FRMPD3: variants seen among roughly 807,000 people sequenced by gnomAD.
The protein encoded by FRMPD3 is FERM and PDZ domain-containing protein 3.
Under a neutral mutation model 97.9 loss-of-function variants are expected in FRMPD3, and 42 were observed. The ratio of observed to expected loss-of-function variants is 0.43; its 90% CI spans 0.34 to 0.55. FRMPD3 has a LOEUF of 0.55. Ranked by LOEUF, FRMPD3 falls within the 20% of genes least tolerant of loss-of-function variation. The pLI is 0.03. For synonymous variants in FRMPD3, 577 were observed against 581.1 expected (o/e 0.99, Z 0.10); for missense variants, 1,303 against 1,457.7 (o/e 0.89, Z 1.73).
chrX:107,603,136 C>G lies in FRMPD3; in HGVS notation c.5097C>G (p.Asn1699Lys), dbSNP rs770426771. 1.7e-6 allele frequency: 2 copies of G among 1,188,134 alleles called. No homozygotes were observed. Among genetic ancestry groups the G allele is most frequent in the Non-Finnish European group, 2.3e-6 (2 of 885,850 alleles). ...LLAKVEEVVR[N>K]YTFLLRAAEE... Reference sequence around the variant, plus strand: ...CCAAGGTAGAAGAGGTGGTGAGGAACTACACCTTCCTGCTGCGTGCAGCTG... The same window carrying G: ...CCAAGGTAGAAGAGGTGGTGAGGAAGTACACCTTCCTGCTGCGTGCAGCTG... Residue 1699 changes from asparagine (N) to lysine (K), a missense_variant, in exon 15 of 15, where the codon AAC (asparagine) becomes AAG (lysine). Physicochemically the swap from Asn to Lys is moderately conservative, Grantham distance 94. Around this residue, in one of 3 missense-constraint regions of FRMPD3, gnomAD observed 764 missense variants for 820.2 expected, o/e 0.93. Coordinates refer to ENST00000683843, the MANE Select transcript of FRMPD3 (RefSeq NM_001388459.1).
chrX:107,595,135 G>A (rs977878509), intron 13 of FRMPD3, among the ~76,000 whole-genome samples: 3 of 109,812 alleles, frequency 2.7e-5, no homozygotes, highest in African/African-American at 1.0e-4. Flanking sequence ...TGGCCAACAT[G>A]GTGAAACCTC....
chrX:107,583,147 A>G (rs1429495579), intron 13 of FRMPD3, among the ~76,000 whole-genome samples: 3 of 104,938 alleles, frequency 2.9e-5, no homozygotes, highest in African/African-American at 1.1e-4. Flanking sequence ...TCCGGGATAC[A>G]TGTGCAGAAT....
At chrX:107,508,819 G>A (rs1922095605) in intron 1 of FRMPD3, among the ~76,000 whole-genome samples, 3 of 111,890 alleles carry the variant, frequency 2.7e-5, no homozygotes, top group Non-Finnish European at 5.6e-5. Flanking sequence ...GTTGTACTAA[G>A]TGCCATGCCT....
chrX:107,450,601 C>CACACACAG (rs1463795736), intron 1 of FRMPD3, among the ~76,000 whole-genome samples: 10 of 93,411 alleles, frequency 1.1e-4, no homozygotes, highest in African/African-American at 4.0e-4. Flanking sequence ...CACACACACA[C>CACACACAG]AGAGAGAGAG....
In FRMPD3 at chrX:107,602,115, C is replaced by T. The variant is rs187380964; in HGVS notation, c.4076C>T (p.Ser1359Phe). 7.7e-4 allele frequency: 930 copies of T among 1,208,596 alleles called. No individual in the cohort carries two copies. The highest frequency in any genetic ancestry group is 2.3e-3 in the Middle Eastern group (10 of 4,345). ...CGCATTCGTTCTACCAGCCTGGAGT[C>T]CCGAGAGTGCCGATCGGACCCTGAG... is the stretch of plus-strand genomic sequence containing the variant. ...VQRIRSTSLESRECRSDPESG... is the reference protein window; with the variant it reads ...VQRIRSTSLEFRECRSDPESG... The change falls in exon 15 of 15, where the codon TCC (serine) becomes TTC (phenylalanine). Residue 1359 changes from serine (S) to phenylalanine (F), a missense_variant. Transcript: ENST00000683843.
intron 4 of FRMPD3, among the ~76,000 whole-genome samples, chrX:107,542,883 A>G (rs1023705706): frequency 2.7e-5 from 3 of 111,646 alleles, no homozygotes; most frequent in Admixed American, 1.9e-4. Context: ...GTAGCCCCAA[A>G]CCTGATTCAC....
At chrX:107,529,903 C>T (rs776413760) in intron 2 of FRMPD3, among the ~76,000 whole-genome samples, 107 of 111,896 alleles carry the variant, frequency 9.6e-4, no homozygotes, top group Non-Finnish European at 1.6e-3. Flanking sequence ...CTGCGTTCCT[C>T]ATTAAGAAGC....
intron 1 of FRMPD3, among the ~76,000 whole-genome samples, chrX:107,450,310 T>C (rs1931259231): frequency 9.0e-6 from 1 of 110,823 alleles, no homozygotes; most frequent in Admixed American, 9.4e-5. Flanking sequence ...TTATGGAGCC[T>C]TTGTGTGCGC....
At chrX:107,548,686 G>T (rs917576044) in intron 5 of FRMPD3, among the ~76,000 whole-genome samples, 1 of 112,218 alleles carries the variant, frequency 8.9e-6, no homozygotes, top group Non-Finnish European at 1.9e-5. Flanking sequence ...TCTACAAAAA[G>T]TAAAAAATTT....
intron 3 of FRMPD3, among the ~76,000 whole-genome samples, chrX:107,531,563 C>T (rs1249765246): frequency 9.0e-6 from 1 of 111,559 alleles, no homozygotes; most frequent in Non-Finnish European, 1.9e-5. Flanking sequence ...CTAACTAGCT[C>T]TGGAGGGCTT....
chrX:107,549,965 C>T, intron 5 of FRMPD3, 84 bp from the exon 6 acceptor site: 1 of 602,408 alleles, frequency 1.7e-6, no homozygotes, highest in Admixed American at 2.7e-5. Flanking sequence ...CACCTTTTCT[C>T]TCTCCTTTTT....
chrX:107,527,435 G>A (rs1276067590), intron 2 of FRMPD3, among the ~76,000 whole-genome samples: 7 of 112,430 alleles, frequency 6.2e-5, no homozygotes, highest in Admixed American at 1.9e-4. Context: ...GGCTTGTCCA[G>A]TGTCACTCAG....
At chrX:107,543,968 C>T (rs897945576) in intron 4 of FRMPD3, among the ~76,000 whole-genome samples, 2 of 111,469 alleles carry the variant, frequency 1.8e-5, no homozygotes, top group African/African-American at 6.5e-5. Context: ...GGGAAACAAC[C>T]TAAGTGTCTG....
intron 13 of FRMPD3, among the ~76,000 whole-genome samples, chrX:107,594,042 G>A (rs1020939611): frequency 5.4e-5 from 6 of 111,925 alleles, no homozygotes; most frequent in African/African-American, 1.6e-4. Flanking sequence ...TGTGTCATCT[G>A]TGATTTCTTT....
intron 1 of FRMPD3, among the ~76,000 whole-genome samples, chrX:107,495,071 A>G (rs1229206797): frequency 8.9e-6 from 1 of 112,626 alleles, no homozygotes; most frequent in African/African-American, 3.2e-5. Flanking sequence ...ATCGCTACAC[A>G]CACAACCATT....
chrX:107,581,750 A>G (rs1923402020), intron 13 of FRMPD3, among the ~76,000 whole-genome samples: 1 of 111,715 alleles, frequency 9.0e-6, no homozygotes, highest in African/African-American at 3.3e-5. Flanking sequence ...TAAATGGAAT[A>G]ATAAAATATA....
At chrX:107,453,773 C>CCATG (rs1400620607) in intron 1 of FRMPD3, among the ~76,000 whole-genome samples, 2 of 111,617 alleles carry the variant, frequency 1.8e-5, no homozygotes, top group Non-Finnish European at 3.8e-5. Context: ...TATTTCCCAC[C>CCATG]CATGACAGGC....
chrX:107,505,351 T>C (rs1357735129), intron 1 of FRMPD3, among the ~76,000 whole-genome samples: 1 of 112,067 alleles, frequency 8.9e-6, no homozygotes, highest in African/African-American at 3.3e-5. Flanking sequence ...GTGATTCAAA[T>C]GTGTTTCCTA....
chrX:107,503,350 A>G (rs1482143168), intron 1 of FRMPD3, among the ~76,000 whole-genome samples: 1 of 112,003 alleles, frequency 8.9e-6, no homozygotes, highest in Non-Finnish European at 1.9e-5. Context: ...TTATTAAAAC[A>G]ACAAGGAACC....
Sources: gnomAD v4.1 joint callset for allele counts (sites outside exome capture counted in the v4.1 genomes callset) on GRCh38, gnomAD v4.1.1 for gene constraint, gnomAD v4.1.1 regional missense constraint, MANE v1.5 for transcripts, NCBI Gene and HGNC (gene_info 2026-07-23, HGNC 2026-07-21) for gene names.